Variants in WASHC4 observed in about 807,000 individuals in gnomAD.
WASHC4 encodes WASH complex subunit 4, also known as WASH complex subunit 7.
In WASHC4, 86 loss-of-function variants were observed where a neutral mutation model predicts 166.6. That is an observed-to-expected ratio of 0.52 (90% CI 0.43 to 0.62). The LOEUF is 0.62. Among genes scored for constraint, WASHC4 ranks in the 20% least tolerant of loss-of-function variants. WASHC4 has a pLI of 0.00. For synonymous variants in WASHC4, 446 were observed against 451.6 expected (o/e 0.99, Z 0.16); for missense variants, 1,262 against 1,382.4 (o/e 0.91, Z 1.38).
chr12:105,142,703 C>T (rs1882971632), intron 19 of WASHC4, 145 bp downstream of exon 19: 1 of 596,550 alleles, frequency 1.7e-6, no homozygotes, highest in Non-Finnish European at 3.0e-6. Context: ...TGTTTATAGT[C>T]TGTAGTTAAA....
At chr12:105,114,661 C>A (rs1025360217) in intron 4 of WASHC4, among the ~76,000 whole-genome samples, 4 of 151,984 alleles carry the variant, frequency 2.6e-5, no homozygotes, top group Non-Finnish European at 4.4e-5. Context: ...GATGAGGAAA[C>A]TGAAGCTTAA....
At position 105,168,934 on chromosome 12, in the gene WASHC4, GTTTGT is replaced by G. The variant is rs578058163; in HGVS notation, c.*2007_*2011del. 1.2e-3 allele frequency: 187 copies of G among 152,372 alleles called. No individual in the cohort carries two copies. Among genetic ancestry groups the G allele is most frequent in the African/African-American group, 1.6e-3 (66 of 41,438 alleles). 9.4% of individuals were successfully genotyped at this position (152,372 alleles called of 1,614,324 possible). On this transcript the variant is annotated 3_prime_UTR_variant, in exon 33 of 33. Transcript: ENST00000332180. ...CTGTAATTTAAAAATTAATGTGAGC[GTTTGT>G]TTTAAGTTCACAGAAAACTTAATAA... is the stretch of plus-strand genomic sequence containing the variant.
At chr12:105,162,558 A>G (rs543884861) in intron 29 of WASHC4, among the ~76,000 whole-genome samples, 191 bp from the exon 30 acceptor site, 3 of 152,320 alleles carry the variant, frequency 2.0e-5, no homozygotes, top group Admixed American at 1.3e-4. Flanking sequence ...ATGAAGATAC[A>G]CTTGTATAGA....
rs79807760 is a variant in WASHC4 at position 105,139,609 on chromosome 12, A to T, written c.1453-685A>T. Among the ~76,000 whole-genome samples the T allele has an allele frequency of 4.6e-5, 7 of 151,458 alleles. No individual in the cohort carries two copies. The East Asian group carries it at 1.4e-3, about 29-fold the overall frequency. On this transcript the variant is annotated intron_variant, in intron 15 of 32. Coordinates refer to ENST00000332180, the MANE Select transcript of WASHC4 (RefSeq NM_015275.3). ...AATATTTAACCCCTGATTGTTAGTG[A>T]TGGTAAATATCCTTTCAATTATTTA...
intron 25 of WASHC4, among the ~76,000 whole-genome samples, chr12:105,151,026 C>CA (rs1359233313): frequency 4.9e-5 from 5 of 102,406 alleles, no homozygotes; most frequent in African/African-American, 3.2e-4. Flanking sequence ...TGGGTGGGGA[C>CA]AAAGCCAAGC....
chr12:105,126,043 G>C lies in WASHC4; in HGVS notation c.826G>C (p.Val276Leu). Residue 276 changes from valine (V) to leucine (L), a missense_variant, in exon 11 of 33, where the codon GTA (valine) becomes CTA (leucine). By Grantham distance (32) the Val-to-Leu change is conservative. Coordinates refer to ENST00000332180, the MANE Select transcript of WASHC4 (RefSeq NM_015275.3). Reference protein sequence around the residue: ...EQQFDSLNGGVSVSKNSTFAE... With the variant: ...EQQFDSLNGGLSVSKNSTFAE... ...ACAATTTGATTCTCTCAATGGAGGA[G>C]TATCTGTGTCAAAAAATAGTACTTT... is the stretch of plus-strand genomic sequence containing the variant. The C allele has an allele frequency of 1.2e-6, 2 of 1,612,588 alleles. No individual in the cohort carries two copies. Among genetic ancestry groups the C allele is most frequent in the Non-Finnish European group, 1.7e-6 (2 of 1,178,986 alleles).
intron 20 of WASHC4, among the ~76,000 whole-genome samples, chr12:105,143,812 A>C (rs535523778): frequency 1.8e-4 from 27 of 152,130 alleles, no homozygotes; most frequent in African/African-American, 6.5e-4. Flanking sequence ...GGGTTTGATG[A>C]AATTGTGAAA....
intron 23 of WASHC4, 64 bp from the exon 24 acceptor site, chr12:105,146,978 A>C (rs1883347901): frequency 6.9e-6 from 6 of 873,606 alleles, no homozygotes; most frequent in Non-Finnish European, 1.2e-5. Flanking sequence ...TTCTTTGGAT[A>C]CCTGTTTGAC....
chr12:105,128,940 G>A (rs1881537541), intron 13 of WASHC4, among the ~76,000 whole-genome samples: 5 of 146,438 alleles, frequency 3.4e-5, no homozygotes. Context: ...ACCATGCCCA[G>A]CTACATTTTT....
Position 105,119,074 on chromosome 12 carries a change from G to A in WASHC4, c.518+546G>A, listed in dbSNP as rs190773427. 1.7e-3 allele frequency among the ~76,000 whole-genome samples: 262 copies of A among 152,286 alleles called. 2 individuals are homozygous for A. Among genetic ancestry groups the A allele is most frequent in the Middle Eastern group, 3.4e-3 (1 of 294 alleles). On this transcript the variant is annotated intron_variant, in intron 7 of 32. Coordinates refer to ENST00000332180, the MANE Select transcript of WASHC4 (RefSeq NM_015275.3). ...AGTTGGAGGGCTGAAAGGACAAAGA[G>A]AACAGTGAGTTCATCCGGAGGAAAC...
At chr12:105,109,446 G>A (rs1379218069) in intron 1 of WASHC4, among the ~76,000 whole-genome samples, 4 of 152,148 alleles carry the variant, frequency 2.6e-5, no homozygotes, top group Non-Finnish European at 5.9e-5. Flanking sequence ...AGCATGTTAA[G>A]TAGGTTTTTG....
intron 1 of WASHC4, among the ~76,000 whole-genome samples, chr12:105,108,623 A>G (rs998485626): frequency 2.6e-5 from 4 of 152,226 alleles, no homozygotes; most frequent in African/African-American, 9.7e-5. Context: ...TTGAGGCCAA[A>G]TTAATTGTAG....
chr12:105,135,236 G>A (rs1882207552), intron 14 of WASHC4, among the ~76,000 whole-genome samples: 1 of 151,832 alleles, frequency 6.6e-6, no homozygotes, highest in Non-Finnish European at 1.5e-5. Flanking sequence ...CTGTTCTGTT[G>A]CTTTTTATTC....
chr12:105,152,790 C>G (rs934435580), intron 26 of WASHC4, among the ~76,000 whole-genome samples: 4 of 152,116 alleles, frequency 2.6e-5, no homozygotes, highest in African/African-American at 9.7e-5. Context: ...TTCTAAAAGG[C>G]TCCCACAAGT....
At chr12:105,108,546 G>A (rs1032096086) in intron 1 of WASHC4, among the ~76,000 whole-genome samples, 2 of 152,138 alleles carry the variant, frequency 1.3e-5, no homozygotes, top group Admixed American at 1.3e-4. Flanking sequence ...TCACAAGATC[G>A]AATTGTCTGA....
chr12:105,164,162 T>A lies in WASHC4; in HGVS notation c.3209T>A (p.Leu1070His), dbSNP rs780221456. ...LLDQYREFDS[L>H]HWFQSVREKY... ...GATCAGTATCGGGAGTTTGATTCACTTCACTGGTTCCAGTCTGTTAGAGAG... is the reference window on the plus strand; with the variant it reads ...GATCAGTATCGGGAGTTTGATTCACATCACTGGTTCCAGTCTGTTAGAGAG... Residue 1070 changes from leucine to histidine, a missense_variant, in exon 31 of 33, where the codon CTT (leucine) becomes CAT (histidine). Transcript: ENST00000332180. The A allele has an allele frequency of 6.2e-7, 1 of 1,614,040 alleles. No homozygotes were observed. The highest frequency in any genetic ancestry group is 8.5e-7 in the Non-Finnish European group (1 of 1,180,008).
intron 14 of WASHC4, 32 bp downstream of exon 14, chr12:105,133,928 T>C (rs982165833): frequency 1.2e-6 from 2 of 1,600,930 alleles, no homozygotes; most frequent in Admixed American, 1.7e-5. Context: ...GAATCATTTT[T>C]TTGTTAATCC....
At chr12:105,123,415 A>G (rs776157127) in intron 10 of WASHC4, among the ~76,000 whole-genome samples, 1 of 152,230 alleles carries the variant, frequency 6.6e-6, no homozygotes, top group Non-Finnish European at 1.5e-5. Context: ...AGGAAATTAA[A>G]ATGCTGTGAA....
At chr12:105,135,854 A>T (rs1326895456) in intron 14 of WASHC4, among the ~76,000 whole-genome samples, 1 of 151,998 alleles carries the variant, frequency 6.6e-6, no homozygotes, top group Non-Finnish European at 1.5e-5. Flanking sequence ...TTATTTGGGT[A>T]TTTGTCTTAT....
Sources: allele counts gnomAD v4.1 joint callset (sites outside exome capture counted in the v4.1 genomes callset), GRCh38; gene constraint gnomAD v4.1.1; transcripts MANE v1.5; gene names NCBI Gene and HGNC (gene_info 2026-07-23, HGNC 2026-07-21).